The following TPRG1 variants were observed in gnomAD, a reference collection of about 807,000 sequenced individuals.
TPRG1 encodes the protein tumor protein p63-regulated gene 1 protein.
A neutral mutation model predicts 29.3 loss-of-function variants in TPRG1; 29 were observed. The ratio of observed to expected loss-of-function variants is 0.99; its 90% CI spans 0.74 to 1.35. TPRG1 has a LOEUF of 1.35. Among genes scored for constraint, TPRG1 ranks in the 40% most tolerant of loss-of-function variants. The pLI is 0.00. For synonymous variants in TPRG1, 130 were observed against 116.8 expected, an observed-to-expected ratio of 1.11 and a Z score of -0.73; for missense variants, 327 against 335.0, an observed-to-expected ratio of 0.98 and a Z score of 0.19.
chr3:189,272,737 T>TTTCTTTCTTTC (rs1715434485), intron 4 of TPRG1, among the ~76,000 whole-genome samples: 1 of 146,532 alleles, frequency 6.8e-6, no homozygotes, highest in African/African-American at 2.7e-5. Context: ...CCTTCCTTCC[T>TTTCTTTCTTTC]TCCTTCCTTC....
At chr3:189,098,850 A>G (rs1718872060), upstream of TPRG1, among the ~76,000 whole-genome samples, 1 of 152,160 alleles carries the variant, frequency 6.6e-6, no homozygotes, top group Admixed American at 6.5e-5. Context: ...CCCTATGTAG[A>G]AAAAAATTAA....
rs35288926 is a variant in TPRG1 at position 189,111,117 on chromosome 3, C to CAA, written c.-744+10920_-744+10921dup. Among the ~76,000 whole-genome samples the CAA allele has an allele frequency of 1.2e-3, 175 of 151,180 alleles. 2 individuals carry two copies. Among genetic ancestry groups the CAA allele is most frequent in the African/African-American group, 3.9e-3 (161 of 41,316 alleles). Reference sequence around the variant, plus strand: ...GGCAATTTCTAAAAAAACAAACAAACAAAAAAAATCTTACTAGAATTGCAT... The same window carrying CAA: ...GGCAATTTCTAAAAAAACAAACAAACAAAAAAAAAATCTTACTAGAATTGCAT... On this transcript the variant is annotated intron_variant, in intron 1 of 6. Transcript: ENST00000412373.
intron 3 of TPRG1, among the ~76,000 whole-genome samples, chr3:189,020,116 C>G (rs532421818): frequency 2.6e-5 from 4 of 151,880 alleles, no homozygotes; most frequent in African/African-American, 9.7e-5. Flanking sequence ...TTTGATTCTT[C>G]TCTCTTTTTT....
At chr3:189,024,898 A>G (rs1008156091) in intron 4 of TPRG1, among the ~76,000 whole-genome samples, 17 of 152,156 alleles carry the variant, frequency 1.1e-4, no homozygotes, top group African/African-American at 3.1e-4. Context: ...TGTCCAAATG[A>G]CAGAGCCCCC....
intron 3 of TPRG1, among the ~76,000 whole-genome samples, chr3:189,134,253 G>A (rs1316609865): frequency 1.3e-5 from 2 of 152,002 alleles, no homozygotes; most frequent in Non-Finnish European, 2.9e-5. Context: ...AACATGTTAT[G>A]TTCTTCAGTA....
At chr3:189,165,138 T>C (rs1300600801) in intron 5 of TPRG1, among the ~76,000 whole-genome samples, 1 of 152,118 alleles carries the variant, frequency 6.6e-6, no homozygotes, top group Non-Finnish European at 1.5e-5. Context: ...TGGAGGGTAA[T>C]GAAACTTTGA....
chr3:189,151,563 AC>A (rs1179685657), intron 5 of TPRG1, among the ~76,000 whole-genome samples: 1 of 152,062 alleles, frequency 6.6e-6, no homozygotes, highest in Admixed American at 6.5e-5. Context: ...ACAAAGTAAT[AC>A]CTTACACCAA....
intron 1 of TPRG1, among the ~76,000 whole-genome samples, chr3:189,205,708 C>T (rs947770494): frequency 6.6e-6 from 1 of 152,192 alleles, no homozygotes; most frequent in Non-Finnish European, 1.5e-5. Flanking sequence ...TGATAACATG[C>T]TCACTGTCAG....
chr3:189,173,354 T>TTTTTTTTTTTTTTTTTTTC (rs1729070455), intron 1 of TPRG1, among the ~76,000 whole-genome samples: 1 of 149,996 alleles, frequency 6.7e-6, no homozygotes, highest in Non-Finnish European at 1.5e-5. Context: ...TTTTTTTTTT[T>TTTTTTTTTTTTTTTTTTTC]TTTGAGACAG....
At chr3:189,284,517 CT>C (rs1437096591) in intron 4 of TPRG1, among the ~76,000 whole-genome samples, 1 of 151,982 alleles carries the variant, frequency 6.6e-6, no homozygotes, top group Non-Finnish European at 1.5e-5. Flanking sequence ...ATCTGTGTCC[CT>C]ACAAAGGACG....
chr3:189,115,265 G>A (rs1474900463), intron 1 of TPRG1, among the ~76,000 whole-genome samples: 1 of 152,210 alleles, frequency 6.6e-6, no homozygotes, highest in Non-Finnish European at 1.5e-5. Flanking sequence ...GAAGAGAGGA[G>A]TGTTATTTAT....
intron 5 of TPRG1, among the ~76,000 whole-genome samples, chr3:189,312,111 T>TCC (rs1560688871): frequency 2.8e-5 from 2 of 70,690 alleles, no homozygotes; most frequent in African/African-American, 1.4e-4. Flanking sequence ...CTTTGTTTCT[T>TCC]TCTTTGTTTC....
chr3:189,274,870 TATAAAA>T (rs1203943195), intron 4 of TPRG1, among the ~76,000 whole-genome samples: 1 of 152,038 alleles, frequency 6.6e-6, no homozygotes, highest in African/African-American at 2.4e-5. Flanking sequence ...TTTTTTTTCT[TATAAAA>T]ATAAATAATA....
intron 4 of TPRG1, among the ~76,000 whole-genome samples, chr3:189,054,426 A>G (rs1715525083): frequency 2.0e-5 from 3 of 146,830 alleles, no homozygotes; most frequent in African/African-American, 7.4e-5. Flanking sequence ...CTGAGGTGGG[A>G]TTACAAACAT....
chr3:189,231,698 C>G (rs1738682127), intron 3 of TPRG1, among the ~76,000 whole-genome samples: 2 of 152,160 alleles, frequency 1.3e-5, no homozygotes, highest in Admixed American at 6.5e-5. Context: ...GGTGGCAGAG[C>G]TGCATTTCCA....
chr3:189,005,123 G>A (rs1712219297), intron 3 of TPRG1, among the ~76,000 whole-genome samples: 1 of 152,108 alleles, frequency 6.6e-6, no homozygotes. Context: ...GTAATGGGCT[G>A]GGAGGGGTGA....
At chr3:189,263,341 GA>G (rs1446198913) in intron 4 of TPRG1, among the ~76,000 whole-genome samples, 3 of 152,222 alleles carry the variant, frequency 2.0e-5, no homozygotes, top group African/African-American at 7.2e-5. Context: ...ATGTTTCAGG[GA>G]GAGAGAAGAA....
intron 2 of TPRG1, among the ~76,000 whole-genome samples, chr3:189,128,368 G>A (rs560466941): frequency 1.8e-3 from 272 of 152,104 alleles, no homozygotes; most frequent in African/African-American, 5.3e-3. Flanking sequence ...GTCAGGTCAA[G>A]GTAGGTTTAT....
chr3:189,090,380 G>A (rs1475407816), intron 4 of TPRG1, among the ~76,000 whole-genome samples: 1 of 151,966 alleles, frequency 6.6e-6, no homozygotes, highest in Non-Finnish European at 1.5e-5. Flanking sequence ...CTTCATAGCA[G>A]GCTGATAATA....
Sources: gnomAD v4.1 joint callset for allele counts (sites outside exome capture counted in the v4.1 genomes callset) on GRCh38, gnomAD v4.1.1 for gene constraint, MANE v1.5 for transcripts, NCBI Gene and HGNC (gene_info 2026-07-23, HGNC 2026-07-21) for gene names.